Variants in ROR1 observed in about 807,000 individuals in gnomAD.
The protein encoded by ROR1 is ROR family WNT receptor 1.
A neutral mutation model predicts 78.8 loss-of-function variants in ROR1; 19 were observed. That is an observed-to-expected ratio of 0.24 (90% confidence interval 0.17 to 0.35). ROR1 has a LOEUF of 0.35. Among genes scored for constraint, ROR1 ranks in the 10% least tolerant of loss-of-function variants. The pLI is 1.00. For missense variants in ROR1, 917 were observed against 1,177.8 expected, an observed-to-expected ratio of 0.78 and a Z score of 3.24; for synonymous variants, 386 against 433.6, an observed-to-expected ratio of 0.89 and a Z score of 1.36.
chr1:63,809,307 A>T (rs550780697), intron 1 of ROR1, among the ~76,000 whole-genome samples: 1 of 152,236 alleles, frequency 6.6e-6, no homozygotes, highest in Non-Finnish European at 1.5e-5. Context: ...CCACAGGGTA[A>T]TGAATGCCAT....
At chr1:63,959,526 C>T (rs1339923190) in intron 1 of ROR1, among the ~76,000 whole-genome samples, 1 of 152,162 alleles carries the variant, frequency 6.6e-6, no homozygotes, top group Non-Finnish European at 1.5e-5. Context: ...TGGGTTTCTT[C>T]CTCCTTCCTT....
intron 8 of ROR1, among the ~76,000 whole-genome samples, chr1:64,172,368 A>G (rs560500484): frequency 2.2e-4 from 34 of 152,342 alleles, no homozygotes; most frequent in African/African-American, 8.2e-4. Context: ...GCATCTTGGA[A>G]CAATGTATTA....
At chr1:63,922,022 A>G (rs1024310475) in intron 1 of ROR1, among the ~76,000 whole-genome samples, 1 of 152,136 alleles carries the variant, frequency 6.6e-6, no homozygotes, top group African/African-American at 2.4e-5. Context: ...TTCTCAGCCT[A>G]TTCTGTATTC....
intron 1 of ROR1, among the ~76,000 whole-genome samples, chr1:63,949,399 T>C (rs1317180358): frequency 1.3e-5 from 2 of 152,132 alleles, no homozygotes; most frequent in Admixed American, 1.3e-4. Flanking sequence ...GTGGAAGATT[T>C]GAGCCTGGCT....
intron 1 of ROR1, among the ~76,000 whole-genome samples, chr1:63,801,689 C>T (rs937885641): frequency 2.0e-5 from 3 of 152,088 alleles, no homozygotes; most frequent in African/African-American, 7.2e-5. Context: ...GATTAAGTAG[C>T]CTTTTTATCC....
At chr1:63,866,328 C>T (rs529190003) in intron 1 of ROR1, among the ~76,000 whole-genome samples, 15 of 152,158 alleles carry the variant, frequency 9.9e-5, no homozygotes, top group Admixed American at 6.5e-4. Flanking sequence ...AAAGACTGCT[C>T]GTTTCCTGCT....
intron 4 of ROR1, among the ~76,000 whole-genome samples, chr1:64,125,735 G>C (rs1217899465): frequency 6.6e-6 from 1 of 152,160 alleles, no homozygotes; most frequent in Admixed American, 6.5e-5. Flanking sequence ...AACTTGCCTT[G>C]TTCCACCTTT....
At chr1:64,106,683 C>T (rs187552445) in intron 4 of ROR1, 1 of 152,186 alleles carries the variant, frequency 6.6e-6, no homozygotes, top group Admixed American at 6.5e-5. Flanking sequence ...TGAATTTTAT[C>T]AAAGGCCTTT....
At chr1:64,002,037 C>T (rs575974522) in intron 1 of ROR1, among the ~76,000 whole-genome samples, 1 of 152,062 alleles carries the variant, frequency 6.6e-6, no homozygotes, top group African/African-American at 2.4e-5. Flanking sequence ...TTATTGTTAA[C>T]CCCATCACGC....
rs570934620 is a variant in ROR1, at chr1:64,106,282, A to G, written c.483-31087A>G. On this transcript the variant is annotated intron_variant, in intron 4 of 8. Coordinates refer to ENST00000371079, the MANE Select transcript of ROR1 (RefSeq NM_005012.4). ...GCTTGTCTATTGTTGGTGTAAAGGA[A>G]TGCTTGTGATTTTAGCACATTGATT... 2.0e-5 allele frequency: 3 copies of G among 152,296 alleles called. No homozygotes were observed. The East Asian group carries it at 5.8e-4, about 29-fold the overall frequency. The allele number at this position is 152,296 out of a possible 1,614,324, so 9.4% of individuals were successfully genotyped here. A position where few individuals can be genotyped will look rare whatever the true frequency, so the allele number is the denominator to read the frequency against.
intron 7 of ROR1, among the ~76,000 whole-genome samples, chr1:64,155,580 A>G (rs1250114688): frequency 6.6e-6 from 1 of 152,208 alleles, no homozygotes; most frequent in African/African-American, 2.4e-5. Context: ...GCAGACCTAC[A>G]GGGGGATTTG....
chr1:63,888,562 G>A (rs1308713315), intron 1 of ROR1, among the ~76,000 whole-genome samples: 1 of 152,088 alleles, frequency 6.6e-6, no homozygotes, highest in South Asian at 2.1e-4. Context: ...GATCAAGACT[G>A]CAGTGCGCTA....
chr1:63,976,777 C>G (rs1287298973), intron 1 of ROR1, among the ~76,000 whole-genome samples: 1 of 152,040 alleles, frequency 6.6e-6, no homozygotes, highest in Non-Finnish European at 1.5e-5. Context: ...TTTTGGAGTT[C>G]AGAATTTTTT....
At chr1:63,926,202 G>A (rs2100436885) in intron 1 of ROR1, among the ~76,000 whole-genome samples, 1 of 150,338 alleles carries the variant, frequency 6.7e-6, no homozygotes, top group East Asian at 2.0e-4. Context: ...TAAGGTGTAA[G>A]GAAGGGATCC....
At chr1:63,966,876 T>C (rs1646079376) in intron 1 of ROR1, among the ~76,000 whole-genome samples, 1 of 152,196 alleles carries the variant, frequency 6.6e-6, no homozygotes. Flanking sequence ...ATCAATTTCC[T>C]GTACCAAATG....
rs1182843314 is a variant in ROR1 at position 63,878,389 on chromosome 1, T to C, written c.91+103881T>C. Reference sequence around the variant, plus strand: ...TGATCGGAAATAAACCTAATTGTTATTTGCTTAACAGTTTCAAGACCTGCA... The same window carrying C: ...TGATCGGAAATAAACCTAATTGTTACTTGCTTAACAGTTTCAAGACCTGCA... On this transcript the variant is annotated intron_variant, in intron 1 of 8. Coordinates refer to ENST00000371079, the MANE Select transcript of ROR1 (RefSeq NM_005012.4). Among the ~76,000 whole-genome samples, 3 of 152,212 alleles carry C rather than the reference T, an allele frequency of 2.0e-5. No individual in the cohort carries two copies. The East Asian group carries it at 5.8e-4, about 29-fold the overall frequency.
chr1:63,947,541 A>G (rs1645900147), intron 1 of ROR1, among the ~76,000 whole-genome samples: 1 of 152,098 alleles, frequency 6.6e-6, no homozygotes, highest in South Asian at 2.1e-4. Flanking sequence ...ATGCCCTTTA[A>G]TAACCTGTAA....
At chr1:64,032,197 C>T (rs138760767) in intron 2 of ROR1, among the ~76,000 whole-genome samples, 6 of 151,818 alleles carry the variant, frequency 4.0e-5, no homozygotes, top group East Asian at 3.9e-4. Flanking sequence ...AAAAATTAGC[C>T]GGGCATGGTG....
At chr1:63,975,704 C>T (rs933607190) in intron 1 of ROR1, among the ~76,000 whole-genome samples, 1 of 152,150 alleles carries the variant, frequency 6.6e-6, no homozygotes, top group Non-Finnish European at 1.5e-5. Context: ...TTTGAGCTCC[C>T]GTGATCCTGT....
Sources: allele counts gnomAD v4.1 joint callset (sites outside exome capture counted in the v4.1 genomes callset), GRCh38; gene constraint gnomAD v4.1.1; transcripts MANE v1.5; gene names NCBI Gene and HGNC (gene_info 2026-07-23, HGNC 2026-07-21).